EHBP1: variants seen among roughly 807,000 people sequenced by gnomAD.
EHBP1 encodes EH domain binding protein 1, also known as EH domain-binding protein 1.
In EHBP1, 55 loss-of-function variants were observed where a neutral mutation model predicts 144.0. The ratio of observed to expected loss-of-function variants is 0.38; its 90% CI spans 0.31 to 0.48. The LOEUF (loss-of-function observed/expected upper bound fraction) is 0.48. Among genes scored for constraint, EHBP1 ranks in the 20% least tolerant of loss-of-function variants. EHBP1 has a pLI of 0.98. For synonymous variants in EHBP1, 469 were observed against 472.7 expected (o/e 0.99, Z 0.10); for missense variants, 1,200 against 1,364.2 (o/e 0.88, Z 1.90).
chr2:62,795,981 G>A (rs1171104884), intron 5 of EHBP1, among the ~76,000 whole-genome samples: 4 of 151,840 alleles, frequency 2.6e-5, no homozygotes, highest in African/African-American at 4.8e-5. Flanking sequence ...ATTTTGTAAT[G>A]TCAGACTTTT....
At chr2:62,706,339 G>T (rs995135065) in intron 1 of EHBP1, 5 of 152,464 alleles carry the variant, frequency 3.3e-5, no homozygotes, top group African/African-American at 1.2e-4. Context: ...CAGCGAAGGA[G>T]CCCAAGTGGC....
chr2:62,835,518 T>G (rs988318395), intron 7 of EHBP1, among the ~76,000 whole-genome samples: 6 of 152,250 alleles, frequency 3.9e-5, no homozygotes, highest in African/African-American at 1.4e-4. Flanking sequence ...ACAGCTCCGG[T>G]CTACAGCTCC....
At position 62,773,850 on chromosome 2, in the gene EHBP1, C is replaced by CAAAAAAAAA; in HGVS notation, c.312+2485_312+2493dup. On this transcript the variant is annotated intron_variant, in intron 5 of 22. Coordinates refer to ENST00000431489, the MANE Select transcript of EHBP1 (RefSeq NM_001142616.3). ...TAGGTGATACAGCAAGACTCCATCTCAAAAAAAAAAAAAAAAAAAAAAAAA... is the reference window on the plus strand; with the variant it reads ...TAGGTGATACAGCAAGACTCCATCTCAAAAAAAAAAAAAAAAAAAAAAAAAAAAAAAAAA... Among the ~76,000 whole-genome samples the CAAAAAAAAA allele has an allele frequency of 3.4e-3, 140 of 41,534 alleles. 6 individuals are homozygous for CAAAAAAAAA. Among genetic ancestry groups the CAAAAAAAAA allele is most frequent in the Admixed American group, 6.0e-3 (14 of 2,328 alleles). The allele number at this position is 41,534 out of a possible 152,430, so 27.2% of individuals were successfully genotyped here.
At chr2:63,043,917 G>GTT (rs1559110359) in intron 21 of EHBP1, 3 of 36,196 alleles carry the variant, frequency 8.3e-5, no homozygotes, top group African/African-American at 2.9e-4. Flanking sequence ...AGTGGCCATG[G>GTT]TTCTTTTTTT....
chr2:62,994,153 T>C (rs2059535100), intron 18 of EHBP1, 176 bp downstream of exon 18: 1 of 394,926 alleles, frequency 2.5e-6, no homozygotes, highest in African/African-American at 2.0e-5. Context: ...TGGTGATAAT[T>C]GTCAGATAAA....
intron 14 of EHBP1, among the ~76,000 whole-genome samples, chr2:62,964,600 C>G (rs1574272440): frequency 1.3e-5 from 2 of 152,218 alleles, no homozygotes; most frequent in Admixed American, 1.3e-4. Flanking sequence ...ATTGGTGGCA[C>G]TGTGAAGCTA....
chr2:62,696,508 C>CTTTTTTTTTTTTTTTTTTT (rs869081763), intron 1 of EHBP1, among the ~76,000 whole-genome samples: 9 of 76,754 alleles, frequency 1.2e-4, no homozygotes, highest in East Asian at 8.0e-4. Flanking sequence ...TTTTTTTCTT[C>CTTTTTTTTTTTTTTTTTTT]TTTTTTTTTT....
At chr2:62,924,567 A>G (rs903233776) in intron 10 of EHBP1, among the ~76,000 whole-genome samples, 2 of 152,208 alleles carry the variant, frequency 1.3e-5, no homozygotes, top group Admixed American at 1.3e-4. Flanking sequence ...ATTAGAGACA[A>G]CTATGAATGA....
chr2:62,951,536 G>GT (rs2057386908), intron 13 of EHBP1, among the ~76,000 whole-genome samples: 1 of 118,694 alleles, frequency 8.4e-6, no homozygotes, highest in Admixed American at 8.0e-5. Flanking sequence ...TTTTTTTTTG[G>GT]GGGGGGGGGG....
chr2:63,020,541 G>A (rs1011605274), intron 19 of EHBP1, among the ~76,000 whole-genome samples: 7 of 151,520 alleles, frequency 4.6e-5, no homozygotes, highest in African/African-American at 1.7e-4. Flanking sequence ...AAAAGAAAAG[G>A]CTGATAATAC....
intron 10 of EHBP1, among the ~76,000 whole-genome samples, chr2:62,878,655 G>C (rs1333759614): frequency 6.6e-6 from 1 of 152,114 alleles, no homozygotes; most frequent in Non-Finnish European, 1.5e-5. Flanking sequence ...TGTAAGGTTG[G>C]TTCAAAATAT....
chr2:62,681,570 C>T (rs2033533290), intron 1 of EHBP1, among the ~76,000 whole-genome samples: 1 of 151,680 alleles, frequency 6.6e-6, no homozygotes, highest in South Asian at 2.1e-4. Flanking sequence ...GAAAATCTGG[C>T]TTTGCCAGAA....
intron 10 of EHBP1, among the ~76,000 whole-genome samples, chr2:62,937,896 A>G (rs2056485790): frequency 6.6e-6 from 1 of 152,182 alleles, no homozygotes. Context: ...GCCGTGCTTT[A>G]AGGAGAACGA....
chr2:62,945,301 T>C (rs2056997072), intron 12 of EHBP1, among the ~76,000 whole-genome samples: 1 of 152,204 alleles, frequency 6.6e-6, no homozygotes, highest in South Asian at 2.1e-4. Flanking sequence ...ATTCTATGTA[T>C]TTTATCCATG....
intron 15 of EHBP1, among the ~76,000 whole-genome samples, chr2:62,986,537 G>A (rs529241733): frequency 8.6e-5 from 13 of 151,012 alleles, no homozygotes; most frequent in Non-Finnish European, 1.6e-4. Context: ...CCACCTTCTG[G>A]TTTTAAGCCA....
intron 10 of EHBP1, chr2:62,940,081 A>G: frequency 2.3e-6 from 1 of 434,872 alleles, no homozygotes; most frequent in South Asian, 1.7e-5. Flanking sequence ...CTCAAAGTGA[A>G]AGGACCAGTT....
At chr2:62,683,083 C>A (rs546281478) in intron 1 of EHBP1, among the ~76,000 whole-genome samples, 1 of 152,184 alleles carries the variant, frequency 6.6e-6, no homozygotes, top group South Asian at 2.1e-4. Context: ...GGCTTATATA[C>A]TGAAAATTTT....
At chr2:63,006,905 C>T (rs144440220) in intron 19 of EHBP1, among the ~76,000 whole-genome samples, 16 of 151,920 alleles carry the variant, frequency 1.1e-4, no homozygotes, top group African/African-American at 3.6e-4. Context: ...AGTCAAACTA[C>T]TCATCATCAT....
Position 62,871,516 on chromosome 2 carries a change from C to T in EHBP1, c.999-2830C>T, listed in dbSNP as rs1185272858. Among the ~76,000 whole-genome samples, 4 of 152,198 alleles carry T rather than the reference C, an allele frequency of 2.6e-5. No individual in the cohort carries two copies. The East Asian group carries it at 7.7e-4, about 29-fold the overall frequency. ...CTAATGTGCAAGTCCAGAAAGAACTCTGTTTGTATTAATTACTTGTTTAGT... is the reference window on the plus strand; with the variant it reads ...CTAATGTGCAAGTCCAGAAAGAACTTTGTTTGTATTAATTACTTGTTTAGT... On this transcript the variant is annotated intron_variant, in intron 9 of 22. Transcript: ENST00000431489.
Sources: allele counts gnomAD v4.1 joint callset (sites outside exome capture counted in the v4.1 genomes callset), GRCh38; gene constraint gnomAD v4.1.1; transcripts MANE v1.5; gene names NCBI Gene and HGNC (gene_info 2026-07-23, HGNC 2026-07-21).